Variants in PLG observed in about 807,000 individuals in gnomAD.
PLG encodes the protein plasmin.
PLG carries 41 observed loss-of-function variants against 104.4 expected under a neutral mutation model. The observed-to-expected ratio is 0.39, with a 90% CI of 0.31 to 0.51. The LOEUF (loss-of-function observed/expected upper bound fraction) is 0.51. Among genes scored for constraint, PLG ranks in the 20% least tolerant of loss-of-function variants. The pLI, the probability that PLG is intolerant of heterozygous loss-of-function variation, is 0.76. For synonymous variants in PLG, 337 were observed against 357.1 expected (o/e 0.94, Z 0.63); for missense variants, 891 against 1,003.6 (o/e 0.89, Z 1.52).
chr6:160,704,479 C>T (rs1328694829), intron 1 of PLG, among the ~76,000 whole-genome samples: 1 of 152,216 alleles, frequency 6.6e-6, no homozygotes, highest in African/African-American at 2.4e-5. Context: ...CACTGTAGGA[C>T]ACACTTTGTG....
At chr6:160,721,703 T>C (rs1296684729) in intron 9 of PLG, among the ~76,000 whole-genome samples, 2 of 152,236 alleles carry the variant, frequency 1.3e-5, no homozygotes, top group African/African-American at 2.4e-5. Flanking sequence ...CTCCCTGGTC[T>C]ACCTCCCTCT....
intron 17 of PLG, among the ~76,000 whole-genome samples, chr6:160,742,609 C>T (rs996463801): frequency 8.6e-5 from 13 of 151,922 alleles, no homozygotes; most frequent in African/African-American, 3.1e-4. Flanking sequence ...TTTCCCTTTA[C>T]TCCCTTGAGA....
At chr6:160,708,565 T>C (rs1257953268) in intron 3 of PLG, 1 of 152,236 alleles carries the variant, frequency 6.6e-6, no homozygotes, top group South Asian at 2.1e-4. Context: ...CATGACACTT[T>C]AAAAACTGTT....
intron 6 of PLG, 119 bp from the exon 7 acceptor site, chr6:160,716,526 C>A (rs1472345857): frequency 4.0e-6 from 3 of 743,906 alleles, no homozygotes; most frequent in Admixed American, 3.7e-5. Flanking sequence ...CATCTGATTA[C>A]CTCCTCCATG....
chr6:160,744,832 C>A lies in PLG; in HGVS notation c.2125+3415C>A, dbSNP rs756649578. Among the ~76,000 whole-genome samples the A allele has an allele frequency of 2.0e-5, 3 of 152,178 alleles. No homozygotes were observed. Among genetic ancestry groups the A allele is most frequent in the Non-Finnish European group, 4.4e-5 (3 of 68,034 alleles). On this transcript the variant is annotated intron_variant, in intron 17 of 18. Coordinates refer to ENST00000308192, the MANE Select transcript of PLG (RefSeq NM_000301.5). This position sits in a 1 kb window ranked among gnomAD's most constrained non-coding sequence, Gnocchi z 4.5. ...TCTCTTAACACTACCTTAGCTCTGT[C>A]CAAGAGATTCTGGTATGTTGTATCT...
In PLG at chr6:160,738,782, A is replaced by G. The variant is rs1190416613; in HGVS notation, c.1877+170A>G. 6.6e-6 allele frequency among the ~76,000 whole-genome samples: 1 copy of G among 152,172 alleles called. No homozygotes were observed. The highest frequency in any genetic ancestry group is 1.9e-4 in the East Asian group (1 of 5,180). Reference sequence around the variant, plus strand: ...AAGAGAGAAGGGAAGGGTTTCTAGAAAGAAACTGCAGAGGAAAGACACAGT... The same window carrying G: ...AAGAGAGAAGGGAAGGGTTTCTAGAGAGAAACTGCAGAGGAAAGACACAGT... On this transcript the variant is annotated intron_variant, in intron 15 of 18. Coordinates refer to ENST00000308192, the MANE Select transcript of PLG (RefSeq NM_000301.5). This position sits in a 1 kb window ranked among gnomAD's most constrained non-coding sequence, Gnocchi z 6.8.
chr6:160,730,393 T>C (rs1171034742), intron 10 of PLG, among the ~76,000 whole-genome samples: 2 of 152,244 alleles, frequency 1.3e-5, no homozygotes, highest in South Asian at 2.1e-4. Flanking sequence ...GCATCCTGCC[T>C]GGGAGCTAGT....
At position 160,737,103 on chromosome 6, in the gene PLG, A is replaced by T; in HGVS notation, c.1802+96A>T. ...ATAAAATCCACACAGCTGAGGCATCAGCACCTGCCTCTAAGTTTTCTGAAG... is the reference window on the plus strand; with the variant it reads ...ATAAAATCCACACAGCTGAGGCATCTGCACCTGCCTCTAAGTTTTCTGAAG... On this transcript the variant is annotated intron_variant, in intron 14 of 18. Transcript: ENST00000308192. This position sits in a 1 kb window ranked among gnomAD's most constrained non-coding sequence, Gnocchi z 4.7. The T allele has an allele frequency of 6.6e-7, 1 of 1,515,164 alleles. No homozygotes were observed. Among genetic ancestry groups the T allele is most frequent in the Non-Finnish European group, 9.0e-7 (1 of 1,107,416 alleles). The allele number at this position is 1,515,164 out of a possible 1,614,324, so 93.9% of individuals were successfully genotyped here.
intron 17 of PLG, among the ~76,000 whole-genome samples, chr6:160,748,371 A>AGAAAGAGAGAGAGAGAGAAAGAAAGAAT (rs2115186724): frequency 2.4e-5 from 1 of 41,184 alleles, no homozygotes; most frequent in East Asian, 0.015. Context: ...AAAGAAAGAA[A>AGAAAGAGAGAGAGAGAGAAAGAAAGAAT]GAAAGAAAGA....
At chr6:160,733,424 C>T (rs911319545) in intron 12 of PLG, among the ~76,000 whole-genome samples, 1 of 152,080 alleles carries the variant, frequency 6.6e-6, no homozygotes, top group Admixed American at 6.6e-5. Context: ...CAAAGACCCC[C>T]GAGGGTCACC....
At chr6:160,728,656 C>A (rs530032694) in intron 10 of PLG, among the ~76,000 whole-genome samples, 7 of 152,070 alleles carry the variant, frequency 4.6e-5, no homozygotes, top group Non-Finnish European at 1.0e-4. Flanking sequence ...GGAAAAACAT[C>A]TTTTCCAAAA....
intron 3 of PLG, among the ~76,000 whole-genome samples, chr6:160,710,473 G>A (rs1289281964): frequency 6.6e-6 from 1 of 151,996 alleles, no homozygotes; most frequent in African/African-American, 2.4e-5. Flanking sequence ...TTTAAACACA[G>A]GAGAGGGCCC....
In PLG at chr6:160,720,410, C is replaced by CTTTTTTTTTTTTTTTTTTTTTT. The variant is rs3057066; in HGVS notation, c.1096+1578_1096+1599dup. Reference sequence around the variant, plus strand: ...TCTTTTCTCTTTTTTCTTTTCTTTTCTTTTTTTTTTTTTTTTTTTTTTTTT... The same window carrying CTTTTTTTTTTTTTTTTTTTTTT: ...TCTTTTCTCTTTTTTCTTTTCTTTTCTTTTTTTTTTTTTTTTTTTTTTTTTTTTTTTTTTTTTTTTTTTTTTT... On this transcript the variant is annotated intron_variant, in intron 9 of 18. Coordinates refer to ENST00000308192, the MANE Select transcript of PLG (RefSeq NM_000301.5). Among the ~76,000 whole-genome samples the CTTTTTTTTTTTTTTTTTTTTTT allele has an allele frequency of 1.3e-3, 79 of 58,524 alleles. 12 individuals carry two copies. The highest frequency in any genetic ancestry group is 2.0e-3 in the African/African-American group (26 of 12,916). The allele number at this position is 58,524 out of a possible 152,430, so 38.4% of individuals were successfully genotyped here.
chr6:160,716,829 C>A, intron 7 of PLG, 66 bp downstream of exon 7: 1 of 969,168 alleles, frequency 1.0e-6, no homozygotes, highest in Non-Finnish European at 1.7e-6. Flanking sequence ...CAAAAGAAAA[C>A]ATGTGTCAGT....
chr6:160,711,569 A>T, intron 4 of PLG: 3 of 1,608,984 alleles, frequency 1.9e-6, no homozygotes, highest in African/African-American at 2.7e-5. Flanking sequence ...AAACCACAAT[A>T]TGTGAATAAG....
chr6:160,739,152 G>A lies in PLG; in HGVS notation c.1962G>A (p.Val654=). The change falls in exon 16 of 19, where the codon GTG becomes GTA. Residue 654 remains valine (V), a synonymous_variant. Coordinates refer to ENST00000308192, the MANE Select transcript of PLG (RefSeq NM_000301.5). The surrounding 1 kb of genome is among the most constrained non-coding windows in gnomAD (Gnocchi z 4.4). ...AACCGCATGTTCAGGAAATAGAAGT[G>A]TCTAGGCTGTTCTTGGAGCCCACAC... is the stretch of plus-strand genomic sequence containing the variant. ...NLEPHVQEIE[V]SRLFLEPTRK... is the part of the protein sequence containing the mutation. The A allele has an allele frequency of 6.2e-7, 1 of 1,614,152 alleles. No homozygotes were observed.
chr6:160,737,066 T>G lies in PLG; in HGVS notation c.1802+59T>G. On this transcript the variant is annotated intron_variant, in intron 14 of 18. Coordinates refer to ENST00000308192, the MANE Select transcript of PLG (RefSeq NM_000301.5). The surrounding 1 kb of genome is among the most constrained non-coding windows in gnomAD (Gnocchi z 4.7). ...CCTCCACGTAAGCCCTGCAAAACCCTTCTACATTTACATAAAATCCACACA... is the reference window on the plus strand; with the variant it reads ...CCTCCACGTAAGCCCTGCAAAACCCGTCTACATTTACATAAAATCCACACA... 1 of 1,605,518 alleles carries G rather than the reference T, an allele frequency of 6.2e-7. No homozygotes were observed. The highest frequency in any genetic ancestry group is 8.5e-7 in the Non-Finnish European group (1 of 1,175,910).
rs374995543 is a variant in PLG at position 160,731,188 on chromosome 6, C to T, written c.1394C>T (p.Pro465Leu). The T allele has an allele frequency of 6.3e-5, 101 of 1,613,968 alleles. No individual in the cohort carries two copies. Among genetic ancestry groups the T allele is most frequent in the South Asian group, 1.3e-4 (12 of 91,084 alleles). ...SGTEASVVAP[P>L]PVVLLPDVET... ...ACAGAAGCGAGTGTTGTAGCACCTC[C>T]GCCTGTTGTCCTGCTTCCAGATGTA... is the stretch of plus-strand genomic sequence containing the variant. The change falls in exon 11 of 19, where the codon CCG (proline) becomes CTG (leucine). Residue 465 changes from proline (P) to leucine (L), a missense_variant. Coordinates refer to ENST00000308192, the MANE Select transcript of PLG (RefSeq NM_000301.5). This position sits in a 1 kb window ranked among gnomAD's most constrained non-coding sequence, Gnocchi z 5.1.
At chr6:160,711,012 T>C (rs1777630356) in intron 3 of PLG, 65 bp from the exon 4 acceptor site, 13 of 1,512,696 alleles carry the variant, frequency 8.6e-6, no homozygotes, top group South Asian at 7.9e-5. Context: ...AACGTGACTA[T>C]GCTGTGCAGA....
Sources: gnomAD v4.1 joint callset for allele counts (sites outside exome capture counted in the v4.1 genomes callset) on GRCh38, gnomAD v4.1.1 for gene constraint, Gnocchi (gnomAD v3.1) non-coding constraint, MANE v1.5 for transcripts, NCBI Gene and HGNC (gene_info 2026-07-23, HGNC 2026-07-21) for gene names.